CACNA1B: variants seen among roughly 807,000 people sequenced by gnomAD.
The protein encoded by CACNA1B is voltage-dependent N-type calcium channel subunit alpha-1B.
In CACNA1B, 70 loss-of-function variants were observed where a neutral mutation model predicts 247.2. That is an observed-to-expected ratio of 0.28 (90% CI 0.23 to 0.35). The LOEUF (loss-of-function observed/expected upper bound fraction) is 0.35, where lower values mean the gene tolerates loss of function less well. CACNA1B is among the 10% of genes least tolerant of loss of function. The probability of loss-of-function intolerance (pLI) is 1.00; values close to 1 mark genes in which losing one functional copy is unlikely to be tolerated. For synonymous variants in CACNA1B, 1,231 were observed against 1,294.4 expected (o/e 0.95, Z 1.05); for missense variants, 2,367 against 3,197.4 (o/e 0.74, Z 6.26).
chr9:138,080,445 A>G (rs1263870185), intron 36 of CACNA1B, among the ~76,000 whole-genome samples: 2 of 152,198 alleles, frequency 1.3e-5, no homozygotes, highest in African/African-American at 2.4e-5. Flanking sequence ...TCATTACATT[A>G]TCATTGCAAG....
intron 1 of CACNA1B, among the ~76,000 whole-genome samples, chr9:137,878,494 GGAGGGCACC>G (rs922690120): frequency 3.3e-5 from 5 of 152,190 alleles, no homozygotes; most frequent in Admixed American, 3.3e-4. Flanking sequence ...CGGCTAGCCT[GGAGGGCACC>G]GAGGGCGAAG....
chr9:137,952,149 C>A lies in CACNA1B; in HGVS notation c.967-125C>A. On this transcript the variant is annotated intron_variant, in intron 6 of 46. Transcript: ENST00000371372. The surrounding 1 kb of genome is among the most constrained non-coding windows in gnomAD (Gnocchi z 4.8). ...TTGGACCTCCCTGTGACTGGCCTCC[C>A]CACTGCCTGGACCCTACCAGGTGTG... 1.4e-6 allele frequency: 1 copy of A among 712,496 alleles called. No homozygotes were observed. Among genetic ancestry groups the A allele is most frequent in the Admixed American group, 2.1e-5 (1 of 48,214 alleles). 44.1% of individuals were successfully genotyped at this position (712,496 alleles called of 1,614,324 possible).
rs1195477377 is a variant in CACNA1B at position 138,011,376 on chromosome 9, T to G, written c.2160+1299T>G. ...GTACCCTCATTGGTGGCCCCCCTTT[T>G]GTGTAACTGGCCTCATTTAGGAATT... On this transcript the variant is annotated intron_variant, in intron 17 of 46. Coordinates refer to ENST00000371372, the MANE Select transcript of CACNA1B (RefSeq NM_000718.4). The surrounding 1 kb of genome is among the most constrained non-coding windows in gnomAD (Gnocchi z 4.2). Among the ~76,000 whole-genome samples the G allele has an allele frequency of 2.0e-5, 3 of 152,162 alleles. No individual in the cohort carries two copies. The highest frequency in any genetic ancestry group is 4.4e-5 in the Non-Finnish European group (3 of 68,024).
chr9:138,110,057 T>C (rs1961568071), intron 39 of CACNA1B, among the ~76,000 whole-genome samples: 1 of 151,780 alleles, frequency 6.6e-6, no homozygotes, highest in Non-Finnish European at 1.5e-5. Context: ...CCATCTCAAA[T>C]GGAAAAAATC....
Position 138,124,346 on chromosome 9 carries a change from T to C in CACNA1B, c.*2347T>C, listed in dbSNP as rs1004653574. On this transcript the variant is annotated 3_prime_UTR_variant, in exon 47 of 47. Coordinates refer to ENST00000371372, the MANE Select transcript of CACNA1B (RefSeq NM_000718.4). Reference sequence around the variant, plus strand: ...TATATCTTCGTACTTTTTGATACAATGTATTCATTTGTTAATTTTTAATTA... The same window carrying C: ...TATATCTTCGTACTTTTTGATACAACGTATTCATTTGTTAATTTTTAATTA... The C allele has an allele frequency of 6.6e-6, 1 of 152,084 alleles. No homozygotes were observed. The highest frequency in any genetic ancestry group is 2.4e-5 in the African/African-American group (1 of 41,394). The allele number at this position is 152,084 out of a possible 1,614,324, so 9.4% of individuals were successfully genotyped here.
At chr9:137,894,701 C>T (rs1957153780) in intron 3 of CACNA1B, among the ~76,000 whole-genome samples, 1 of 152,186 alleles carries the variant, frequency 6.6e-6, no homozygotes, top group Non-Finnish European at 1.5e-5. Context: ...AGCCACCGTG[C>T]CTGGCCCTAC....
At chr9:137,892,438 C>A in intron 3 of CACNA1B, 1 of 441,624 alleles carries the variant, frequency 2.3e-6, no homozygotes, top group Non-Finnish European at 4.5e-6. Flanking sequence ...GCTGGTGCAT[C>A]ATTGCATCGT....
chr9:137,970,054 G>C (rs923329818), intron 10 of CACNA1B, among the ~76,000 whole-genome samples: 6 of 152,162 alleles, frequency 3.9e-5, no homozygotes, highest in African/African-American at 1.2e-4. Context: ...ATATGCATGT[G>C]TGTACAAACA....
rs1167531941 is a variant in CACNA1B at position 138,062,514 on chromosome 9, G to C, written c.4668+2777G>C. 2.0e-5 allele frequency among the ~76,000 whole-genome samples: 3 copies of C among 152,292 alleles called. No homozygotes were observed. The East Asian group carries it at 5.8e-4, about 29-fold the overall frequency. ...CCCTTCCATTGTTCACTGGGCCTGT[G>C]GTGGGTCTGACAGCACATCACTATG... On this transcript the variant is annotated intron_variant, in intron 31 of 46. Coordinates refer to ENST00000371372, the MANE Select transcript of CACNA1B (RefSeq NM_000718.4).
rs7848646 is a variant in CACNA1B at position 138,024,910 on chromosome 9, G to T, written c.3069-45G>T. The T allele has an allele frequency of 8.6e-3, 11,737 of 1,367,206 alleles. 705 individuals carry two copies. In the African/African-American group the frequency reaches 0.14, roughly 16 times the overall value. 84.7% of individuals were successfully genotyped at this position (1,367,206 alleles called of 1,614,324 possible). On this transcript the variant is annotated intron_variant, in intron 19 of 46. Coordinates refer to ENST00000371372, the MANE Select transcript of CACNA1B (RefSeq NM_000718.4). ...CTGCCTCCCGGTGCCGGGATCACAG[G>T]TGTGAGCCACTGCGCCGAGGCCTGA...
chr9:137,976,274 T>C lies in CACNA1B; in HGVS notation c.1656+255T>C, dbSNP rs538153798. On this transcript the variant is annotated intron_variant, in intron 12 of 46. Transcript: ENST00000371372. ...CCCTTCCCTCTTCTGATCCTGTCCA[T>C]AGATTTTCATAATCAGCTGAAGGCT... is the stretch of plus-strand genomic sequence containing the variant. Among the ~76,000 whole-genome samples, 4 of 152,232 alleles carry C rather than the reference T, an allele frequency of 2.6e-5. No homozygotes were observed. The South Asian group carries it at 6.2e-4, about 24-fold the overall frequency.
Position 138,100,882 on chromosome 9 carries a change from G to A in CACNA1B, c.5223-1829G>A, listed in dbSNP as rs1456767883. On this transcript the variant is annotated intron_variant, in intron 37 of 46. Transcript: ENST00000371372. The surrounding 1 kb of genome is among the most constrained non-coding windows in gnomAD (Gnocchi z 4.6). ...GGCAGGGCAGTGTTCTGTGTGGAGC[G>A]GCTCCTGCACACATCGGGCTCCGGA... Among the ~76,000 whole-genome samples, 14 of 152,072 alleles carry A rather than the reference G, an allele frequency of 9.2e-5. No homozygotes were observed. Among genetic ancestry groups the A allele is most frequent in the Non-Finnish European group, 1.2e-4 (8 of 68,002 alleles).
chr9:137,929,984 G>C (rs1957591109), intron 6 of CACNA1B, among the ~76,000 whole-genome samples: 1 of 151,920 alleles, frequency 6.6e-6, no homozygotes, highest in Non-Finnish European at 1.5e-5. Flanking sequence ...TTTTGTAGAG[G>C]TGGGGTCTTG....
Position 137,908,716 on chromosome 9 carries a change from C to T in CACNA1B, c.531-4464C>T, listed in dbSNP as rs971139592. 7.2e-5 allele frequency among the ~76,000 whole-genome samples: 11 copies of T among 151,798 alleles called. 1 individual carries two copies. The South Asian group carries it at 1.0e-3, about 14-fold the overall frequency. Reference sequence around the variant, plus strand: ...TGCGATCTTGGCTCACTGCAAGCTCCGCCTCCTGGGTTCACGCCATTCTCC... The same window carrying T: ...TGCGATCTTGGCTCACTGCAAGCTCTGCCTCCTGGGTTCACGCCATTCTCC... On this transcript the variant is annotated intron_variant, in intron 3 of 46. Transcript: ENST00000371372.
In CACNA1B at chr9:138,110,008, A is replaced by C. The variant is rs145641826; in HGVS notation, c.5429-2390A>C. On this transcript the variant is annotated intron_variant, in intron 39 of 46. Coordinates refer to ENST00000371372, the MANE Select transcript of CACNA1B (RefSeq NM_000718.4). The stretch of plus-strand genomic sequence containing the variant: ...GTCGGAGGTTGCAGTGAGCCAAGAT[A>C]GTGCCACTGTACTCCAGCCTTGGTG... Among the ~76,000 whole-genome samples, 63 of 152,170 alleles carry C rather than the reference A, an allele frequency of 4.1e-4. 1 individual carries two copies. The highest frequency in any genetic ancestry group is 1.4e-3 in the African/African-American group (60 of 41,496).
In CACNA1B at chr9:138,046,322, G is replaced by A. The variant is rs555035519; in HGVS notation, c.3414-582G>A. Among the ~76,000 whole-genome samples, 5 of 152,336 alleles carry A rather than the reference G, an allele frequency of 3.3e-5. No individual in the cohort carries two copies. The South Asian group carries it at 6.2e-4, about 19-fold the overall frequency. ...GTGGCAGTGTGTGGAGTGTGTCCCC[G>A]TGCAGCGTGTTCACGTGGAGCGTGT... is the stretch of plus-strand genomic sequence containing the variant. On this transcript the variant is annotated intron_variant, in intron 21 of 46. Coordinates refer to ENST00000371372, the MANE Select transcript of CACNA1B (RefSeq NM_000718.4).
At chr9:138,046,863 C>A in intron 21 of CACNA1B, 41 bp from the exon 22 acceptor site, 1 of 1,594,432 alleles carries the variant, frequency 6.3e-7, no homozygotes, top group South Asian at 1.1e-5. Context: ...GTGGCGCGCC[C>A]GGCTGGGGGG....
Position 138,120,053 on chromosome 9 carries a change from A to T in CACNA1B, c.6031-112A>T, listed in dbSNP as rs1589140227. 3 of 893,158 alleles carry T rather than the reference A, an allele frequency of 3.4e-6. No individual in the cohort carries two copies. In the Middle Eastern group the frequency reaches 1.0e-3, roughly 312 times the overall value. The allele number at this position is 893,158 out of a possible 1,614,324, so 55.3% of individuals were successfully genotyped here. A position where few individuals can be genotyped will look rare whatever the true frequency, so the allele number is the denominator to read the frequency against. ...GGGTCCTTCTGACTGTGAGACCAGG[A>T]TGGGGGGCGTGTGGGCCTGCTGTCT... On this transcript the variant is annotated intron_variant, in intron 44 of 46. Coordinates refer to ENST00000371372, the MANE Select transcript of CACNA1B (RefSeq NM_000718.4).
intron 10 of CACNA1B, among the ~76,000 whole-genome samples, chr9:137,961,459 A>G (rs1168730687): frequency 1.3e-5 from 2 of 152,316 alleles, no homozygotes; most frequent in South Asian, 2.1e-4. Flanking sequence ...TTCAAGGGGA[A>G]TGCTTCCAGC....
Sources: gnomAD v4.1 joint callset for allele counts (sites outside exome capture counted in the v4.1 genomes callset) on GRCh38, gnomAD v4.1.1 for gene constraint, Gnocchi (gnomAD v3.1) non-coding constraint, MANE v1.5 for transcripts, NCBI Gene and HGNC (gene_info 2026-07-23, HGNC 2026-07-21) for gene names.